ADAM18: variants seen among roughly 807,000 people sequenced by gnomAD.
ADAM18 encodes the protein disintegrin and metalloproteinase domain-containing protein 18.
ADAM18 carries 117 observed loss-of-function variants against 94.4 expected under a neutral mutation model. The observed-to-expected ratio is 1.24, with a 90% confidence interval of 1.07 to 1.45. The LOEUF (loss-of-function observed/expected upper bound fraction) is 1.45, where lower values mean the gene tolerates loss of function less well. Ranked by LOEUF, ADAM18 falls within the 40% of genes most tolerant of loss-of-function variation. The probability of loss-of-function intolerance (pLI) is 0.00; values close to 1 mark genes in which losing one functional copy is unlikely to be tolerated. For synonymous variants in ADAM18, 327 were observed against 291.6 expected (o/e 1.12, Z -1.24); for missense variants, 936 against 880.0 (o/e 1.06, Z -0.81).
At chr8:39,614,651 C>T (rs1819384162) in intron 6 of ADAM18, among the ~76,000 whole-genome samples, 1 of 152,072 alleles carries the variant, frequency 6.6e-6, no homozygotes, top group Non-Finnish European at 1.5e-5. Context: ...AAAAACACCC[C>T]ACATAAAAGC....
chr8:39,689,698 A>G (rs1026517834), intron 16 of ADAM18, among the ~76,000 whole-genome samples: 64 of 152,210 alleles, frequency 4.2e-4, no homozygotes, highest in African/African-American at 1.5e-3. Context: ...GTTTTATGTG[A>G]AAGTTGAAAT....
At chr8:39,638,080 G>GT (rs571247862) in intron 9 of ADAM18, among the ~76,000 whole-genome samples, 2 of 151,258 alleles carry the variant, frequency 1.3e-5, no homozygotes, top group South Asian at 2.1e-4. Flanking sequence ...AGGGATTTGG[G>GT]TTTTTTTTAA....
rs756932692 is a variant in ADAM18, at chr8:39,680,143, T to G, written c.1738T>G (p.Ser580Ala). 1.9e-6 allele frequency: 3 copies of G among 1,613,852 alleles called. No individual in the cohort carries two copies. The highest frequency in any genetic ancestry group is 2.5e-6 in the Non-Finnish European group (3 of 1,179,870). The change falls in exon 16 of 20, where the codon TCT (serine) becomes GCT (alanine). Residue 580 changes from serine (S) to alanine (A), a missense_variant. Coordinates refer to ENST00000265707, the MANE Select transcript of ADAM18 (RefSeq NM_014237.3). Reference sequence around the variant, plus strand: ...ATATATTCAAGACCATGTATGTGTATCTATAGCCACTGGTTCCTCCATGAG... The same window carrying G: ...ATATATTCAAGACCATGTATGTGTAGCTATAGCCACTGGTTCCTCCATGAG... Reference protein sequence around the residue: ...YSYIQDHVCVSIATGSSMRSD... With the variant: ...YSYIQDHVCVAIATGSSMRSD...
chr8:39,699,718 T>C (rs1159019137), intron 17 of ADAM18, among the ~76,000 whole-genome samples: 1 of 152,182 alleles, frequency 6.6e-6, no homozygotes, highest in African/African-American at 2.4e-5. Flanking sequence ...TTGAGTCTGA[T>C]GGCCTGCAGG....
chr8:39,637,595 A>C lies in ADAM18; in HGVS notation c.719A>C (p.Glu240Ala), dbSNP rs369932234. The C allele has an allele frequency of 2.5e-6, 4 of 1,612,824 alleles. No individual in the cohort carries two copies. The highest frequency in any genetic ancestry group is 3.4e-6 in the Non-Finnish European group (4 of 1,179,362). ...TCTTCCTTGGAATTGTGGTCAAATG[A>C]AAACCAGATTTCCACCAGTGGGGAT... ...ILSSLELWSN[E>A]NQISTSGDAD... Residue 240 changes from glutamate (E) to alanine (A), a missense_variant, in exon 9 of 20, where the codon GAA (glutamate) becomes GCA (alanine). Physicochemically the swap from Glu to Ala is moderately radical, Grantham distance 107 (BLOSUM62 -1). Transcript: ENST00000265707.
intron 17 of ADAM18, among the ~76,000 whole-genome samples, chr8:39,696,442 A>T (rs190376041): frequency 6.6e-6 from 1 of 151,618 alleles, no homozygotes; most frequent in African/African-American, 2.4e-5. Context: ...TAAAGAAATC[A>T]TCAAATCTAA....
intron 11 of ADAM18, 151 bp downstream of exon 11, chr8:39,645,625 C>G: frequency 1.4e-6 from 1 of 732,902 alleles, no homozygotes; most frequent in Admixed American, 2.9e-5. Context: ...ATTATGTATA[C>G]TTAGGGATAT....
chr8:39,638,050 C>G (rs1039566624), intron 9 of ADAM18, among the ~76,000 whole-genome samples: 1 of 151,802 alleles, frequency 6.6e-6, no homozygotes, highest in South Asian at 2.1e-4. Context: ...TAATACATTT[C>G]ATGTCTACTT....
chr8:39,599,607 T>C (rs1251654285), intron 2 of ADAM18, among the ~76,000 whole-genome samples: 1 of 152,160 alleles, frequency 6.6e-6, no homozygotes, highest in Non-Finnish European at 1.5e-5. Context: ...ATTTCACTAA[T>C]CATTTTTCTG....
chr8:39,694,736 C>T (rs1042581897), intron 17 of ADAM18, among the ~76,000 whole-genome samples: 1 of 151,452 alleles, frequency 6.6e-6, no homozygotes, highest in African/African-American at 2.4e-5. Flanking sequence ...GAGGGATGCC[C>T]TATAATTCCT....
rs61555393 is a variant in ADAM18 at position 39,620,357 on chromosome 8, CAAA to C, written c.523-9002_523-9000del. 1.2e-3 allele frequency among the ~76,000 whole-genome samples: 108 copies of C among 90,560 alleles called. 1 individual carries two copies. The highest frequency in any genetic ancestry group is 3.7e-3 in the African/African-American group (85 of 22,820). 59.4% of individuals were successfully genotyped at this position (90,560 alleles called of 152,430 possible). On this transcript the variant is annotated intron_variant, in intron 6 of 19. Transcript: ENST00000265707. ...ACCTCAAAAGCACATGCAACAAAAG[CAAA>C]AAAAAAAAAAAAAACAAAAAAAAAT... is the stretch of plus-strand genomic sequence containing the variant.
At chr8:39,592,582 C>T (rs1465224214) in intron 2 of ADAM18, among the ~76,000 whole-genome samples, 3 of 151,862 alleles carry the variant, frequency 2.0e-5, no homozygotes, top group Non-Finnish European at 4.4e-5. Context: ...GTGGAATAAC[C>T]CAGAAGTAAA....
At chr8:39,720,738 C>A (rs1265691509) in intron 18 of ADAM18, among the ~76,000 whole-genome samples, 1 of 151,010 alleles carries the variant, frequency 6.6e-6, no homozygotes, top group African/African-American at 2.4e-5. Flanking sequence ...AGAAAAATAC[C>A]AAAGATAAGC....
chr8:39,714,101 T>C (rs1184313906), intron 18 of ADAM18, among the ~76,000 whole-genome samples: 2 of 152,208 alleles, frequency 1.3e-5, no homozygotes, highest in Non-Finnish European at 2.9e-5. Flanking sequence ...CATGGAATAC[T>C]ATGCACCCAT....
intron 12 of ADAM18, among the ~76,000 whole-genome samples, chr8:39,650,858 G>C (rs1820513213): frequency 6.6e-6 from 1 of 152,138 alleles, no homozygotes; most frequent in Non-Finnish European, 1.5e-5. Context: ...AGAGACTTGA[G>C]AAAAGAAAGA....
At chr8:39,629,335 T>A (rs367922783) in intron 6 of ADAM18, 39 bp from the exon 7 acceptor site, 4 of 1,455,092 alleles carry the variant, frequency 2.7e-6, no homozygotes, top group Non-Finnish European at 2.8e-6. Flanking sequence ...ATTCAATACA[T>A]GTTAACATTT....
At chr8:39,602,587 A>G (rs1400515887) in intron 2 of ADAM18, among the ~76,000 whole-genome samples, 1 of 152,190 alleles carries the variant, frequency 6.6e-6, no homozygotes, top group African/African-American at 2.4e-5. Context: ...TTTTAAAAAT[A>G]TACCGTTATT....
intron 2 of ADAM18, among the ~76,000 whole-genome samples, chr8:39,598,332 G>A (rs1388701005): frequency 2.0e-5 from 3 of 151,948 alleles, no homozygotes. Flanking sequence ...CCTGATCTTA[G>A]CATGAAAGGG....
chr8:39,613,894 G>T (rs1055211430), intron 6 of ADAM18, among the ~76,000 whole-genome samples: 7 of 152,120 alleles, frequency 4.6e-5, no homozygotes, highest in African/African-American at 1.2e-4. Flanking sequence ...CTCAAAAACT[G>T]TTTTGTCAAA....
Sources: allele counts gnomAD v4.1 joint callset (sites outside exome capture counted in the v4.1 genomes callset), GRCh38; gene constraint gnomAD v4.1.1; transcripts MANE v1.5; gene names NCBI Gene and HGNC (gene_info 2026-07-23, HGNC 2026-07-21).